SLC22A23: variants seen among roughly 807,000 people sequenced by gnomAD.
The protein encoded by SLC22A23 is ion transporter protein.
A neutral mutation model predicts 61.0 loss-of-function variants in SLC22A23; 26 were observed. That is an observed-to-expected ratio of 0.43 (90% CI 0.31 to 0.59). The LOEUF (loss-of-function observed/expected upper bound fraction) is 0.59. SLC22A23 is among the 20% of genes least tolerant of loss of function. The pLI is 0.11. For synonymous variants in SLC22A23, 430 were observed against 413.9 expected (o/e 1.04, Z -0.47); for missense variants, 796 against 934.7 (o/e 0.85, Z 1.94).
Position 3,351,207 on chromosome 6 carries a change from G to A in SLC22A23, c.914-27205C>T, listed in dbSNP as rs534664919. On this transcript the variant is annotated intron_variant, in intron 3 of 9. Transcript: ENST00000406686. ...GAAAGTGAGAGCTAGAGAGGCCCTC[G>A]CAGTTAAAGCCCCCAGCTTTTGTGA... 1.1e-4 allele frequency among the ~76,000 whole-genome samples: 16 copies of A among 152,246 alleles called. 1 individual carries two copies. In the South Asian group the frequency reaches 2.3e-3, roughly 22 times the overall value.
chr6:3,456,106 A>T lies in SLC22A23; in HGVS notation c.454T>A (p.Trp152Arg). ...AAGGGGGTGGTGGGGAGGCTGGTCC[A>T]GTTGCCCATGTCCCCGCCCCGGCCT... ...TTGRGGDMGN[W>R]TSLPTTPFAT... Residue 152 changes from tryptophan to arginine, a missense_variant, in exon 1 of 10, where the codon TGG becomes AGG. Physicochemically the swap from Trp to Arg is moderately radical, Grantham distance 101 (BLOSUM62 -3). Coordinates refer to ENST00000406686, the MANE Select transcript of SLC22A23 (RefSeq NM_015482.2). The surrounding 1 kb of genome is among the most constrained non-coding windows in gnomAD (Gnocchi z 7.1). 6.4e-7 allele frequency: 1 copy of T among 1,550,636 alleles called. No individual in the cohort carries two copies. Among genetic ancestry groups the T allele is most frequent in the Non-Finnish European group, 8.7e-7 (1 of 1,146,664 alleles).
In SLC22A23 at chr6:3,455,591, C is replaced by T. The variant is rs570236676; in HGVS notation, c.654+315G>A. Among the ~76,000 whole-genome samples, 6 of 152,354 alleles carry T rather than the reference C, an allele frequency of 3.9e-5. No individual in the cohort carries two copies. In the South Asian group the frequency reaches 1.0e-3, roughly 26 times the overall value. On this transcript the variant is annotated intron_variant, in intron 1 of 9. Transcript: ENST00000406686. ...CCCGACTCCCCCAGCAGACCTTGAA[C>T]GACGCCAGTCCGACTCCTCCAGAGG...
Position 3,455,764 on chromosome 6 carries a change from G to C in SLC22A23, c.654+142C>G, listed in dbSNP as rs144541600. The C allele has an allele frequency of 9.3e-4, 948 of 1,022,808 alleles. 6 individuals are homozygous for C. In the African/African-American group the frequency reaches 0.014, roughly 15 times the overall value. The allele number at this position is 1,022,808 out of a possible 1,614,324, so 63.4% of individuals were successfully genotyped here. ...AGTAAAGGCATGTGGTTTGGGGGAC[G>C]GAAGGAGATTAAGCCAATGCGGAAT... On this transcript the variant is annotated intron_variant, in intron 1 of 9. Transcript: ENST00000406686.
At chr6:3,392,151 G>A (rs983471221) in intron 3 of SLC22A23, among the ~76,000 whole-genome samples, 5 of 152,238 alleles carry the variant, frequency 3.3e-5, no homozygotes, top group African/African-American at 1.2e-4. Context: ...ATTGGGTGTG[G>A]ATAGGTTGCT....
At chr6:3,359,152 T>A (rs1765289133) in intron 3 of SLC22A23, among the ~76,000 whole-genome samples, 1 of 152,058 alleles carries the variant, frequency 6.6e-6, no homozygotes, top group Non-Finnish European at 1.5e-5. Flanking sequence ...TCACAGATCA[T>A]TTCAACTAAG....
At position 3,286,301 on chromosome 6, in the gene SLC22A23, C is replaced by T. The variant is rs769688519; in HGVS notation, c.1546+558G>A. 2.6e-5 allele frequency among the ~76,000 whole-genome samples: 4 copies of T among 152,152 alleles called. No homozygotes were observed. The highest frequency in any genetic ancestry group is 2.0e-4 in the Admixed American group (3 of 15,278). ...TATATTTAGTAGAGATGGGGTTTCA[C>T]TACATTGGTCAGGCTGGTTTGAACT... On this transcript the variant is annotated intron_variant, in intron 7 of 9. Coordinates refer to ENST00000406686, the MANE Select transcript of SLC22A23 (RefSeq NM_015482.2). This position sits in a 1 kb window ranked among gnomAD's most constrained non-coding sequence, Gnocchi z 4.2.
intron 1 of SLC22A23, among the ~76,000 whole-genome samples, chr6:3,443,255 T>C (rs1771710936): frequency 6.6e-6 from 1 of 152,204 alleles, no homozygotes; most frequent in Non-Finnish European, 1.5e-5. Context: ...TCTGCATTTT[T>C]ATTTTCCACG....
At chr6:3,385,524 A>G (rs1767244800) in intron 3 of SLC22A23, among the ~76,000 whole-genome samples, 1 of 101,486 alleles carries the variant, frequency 9.9e-6, no homozygotes, top group Admixed American at 8.8e-5. Context: ...TCAAAAAACA[A>G]AAAAAAAGGT....
chr6:3,352,722 T>G (rs931836065), intron 3 of SLC22A23, among the ~76,000 whole-genome samples: 1 of 152,202 alleles, frequency 6.6e-6, no homozygotes, highest in African/African-American at 2.4e-5. Context: ...CCTGGAGGTC[T>G]GAGGATAAAT....
rs1253649831 is a variant in SLC22A23, at chr6:3,454,928, C to T, written c.654+978G>A. On this transcript the variant is annotated intron_variant, in intron 1 of 9. Coordinates refer to ENST00000406686, the MANE Select transcript of SLC22A23 (RefSeq NM_015482.2). This position sits in a 1 kb window ranked among gnomAD's most constrained non-coding sequence, Gnocchi z 4.3. ...GCATTTAAAACTCTGCCAGAACAGC[C>T]CAGAATGGGTAGCGGGTGGGGTGGA... is the stretch of plus-strand genomic sequence containing the variant. 6.6e-6 allele frequency among the ~76,000 whole-genome samples: 1 copy of T among 152,132 alleles called. No individual in the cohort carries two copies. Among genetic ancestry groups the T allele is most frequent in the African/African-American group, 2.4e-5 (1 of 41,416 alleles).
In SLC22A23 at chr6:3,289,680, G is replaced by A. The variant is rs556876458; in HGVS notation, c.1313+84C>T. 1.1e-3 allele frequency: 1,223 copies of A among 1,107,898 alleles called. 11 individuals are homozygous for A. The highest frequency in any genetic ancestry group is 4.0e-3 in the African/African-American group (258 of 64,490). The allele number at this position is 1,107,898 out of a possible 1,614,324, so 68.6% of individuals were successfully genotyped here. ...TAGGATTCCAAGTTCAGCGGGGTGG[G>A]GAGCAGGGCCCTGGGCTTCACCACT... On this transcript the variant is annotated intron_variant, in intron 6 of 9. Transcript: ENST00000406686.
rs1772419740 is a variant in SLC22A23 at position 3,456,532 on chromosome 6, C to T, written c.28G>A (p.Ala10Thr). The change falls in exon 1 of 10, where the codon GCG (alanine) becomes ACG (threonine). Residue 10 changes from alanine to threonine, a missense_variant. Coordinates refer to ENST00000406686, the MANE Select transcript of SLC22A23 (RefSeq NM_015482.2). This position sits in a 1 kb window ranked among gnomAD's most constrained non-coding sequence, Gnocchi z 7.1. MAIDRRREA[A>T]GGGPGRQPAP... ...GGCTGCCGCCCAGGCCCGCCGCCCG[C>T]CGCCTCGCGCCGCCGGTCTATGGCC... The T allele has an allele frequency of 7.1e-6, 7 of 986,382 alleles. No individual in the cohort carries two copies. Among genetic ancestry groups the T allele is most frequent in the Non-Finnish European group, 6.0e-6 (5 of 832,372 alleles). The allele number at this position is 986,382 out of a possible 1,614,324, so 61.1% of individuals were successfully genotyped here.
At chr6:3,413,163 AAGCTG>A (rs957317426) in intron 2 of SLC22A23, among the ~76,000 whole-genome samples, 1 of 152,196 alleles carries the variant, frequency 6.6e-6, no homozygotes, top group Non-Finnish European at 1.5e-5. Context: ...AAGAGTAAAC[AAGCTG>A]AGAGGGAACC....
chr6:3,369,124 C>A (rs1766037092), intron 3 of SLC22A23, among the ~76,000 whole-genome samples: 1 of 151,616 alleles, frequency 6.6e-6, no homozygotes, highest in Admixed American at 6.6e-5. Context: ...CTGATAATTC[C>A]TCTAGTCTTC....
chr6:3,383,479 G>A (rs11963725), intron 3 of SLC22A23, among the ~76,000 whole-genome samples: 3,457 of 152,250 alleles, frequency 0.023, 144 homozygotes, highest in East Asian at 0.16. Context: ...TATCTACTCC[G>A]TGGTTAAATA....
chr6:3,452,582 C>CA (rs1772201969), intron 1 of SLC22A23, among the ~76,000 whole-genome samples: 1 of 113,774 alleles, frequency 8.8e-6, no homozygotes, highest in Admixed American at 1.3e-4. Flanking sequence ...GCCTGGGCAA[C>CA]AGAGCCAGAC....
intron 3 of SLC22A23, among the ~76,000 whole-genome samples, chr6:3,378,646 TTTTCTTTTTTC>T (rs1766742476): frequency 1.2e-5 from 1 of 83,888 alleles, no homozygotes; most frequent in African/African-American, 7.5e-5. Context: ...TTTTTTTTTC[TTTTCTTTTTTC>T]TTTTTTTTTT....
intron 3 of SLC22A23, among the ~76,000 whole-genome samples, chr6:3,325,211 G>A (rs1188131722): frequency 6.6e-6 from 1 of 152,164 alleles, no homozygotes; most frequent in African/African-American, 2.4e-5. Context: ...TGGGCTTCAT[G>A]GATCAGCTGT....
At position 3,354,526 on chromosome 6, in the gene SLC22A23, A is replaced by G. The variant is rs1229948814; in HGVS notation, c.914-30524T>C. Reference sequence around the variant, plus strand: ...AGCAGAGACTCTGTGCCTCAAAGGCAAGGCAATGTCTTTCCATCCTCAAGA... The same window carrying G: ...AGCAGAGACTCTGTGCCTCAAAGGCGAGGCAATGTCTTTCCATCCTCAAGA... On this transcript the variant is annotated intron_variant, in intron 3 of 9. Transcript: ENST00000406686. Among the ~76,000 whole-genome samples, 3 of 152,356 alleles carry G rather than the reference A, an allele frequency of 2.0e-5. No individual in the cohort carries two copies. The East Asian group carries it at 5.8e-4, about 29-fold the overall frequency.
Sources: gnomAD v4.1 joint callset for allele counts (sites outside exome capture counted in the v4.1 genomes callset) on GRCh38, gnomAD v4.1.1 for gene constraint, Gnocchi (gnomAD v3.1) non-coding constraint, MANE v1.5 for transcripts, NCBI Gene and HGNC (gene_info 2026-07-23, HGNC 2026-07-21) for gene names.